The following STRBP variants were observed in gnomAD, a reference collection of about 807,000 sequenced individuals.
The protein encoded by STRBP is spermatid perinuclear RNA binding protein.
STRBP carries 13 observed loss-of-function variants against 80.1 expected under a neutral mutation model. The observed-to-expected ratio is 0.16, with a 90% CI of 0.11 to 0.26. STRBP has a LOEUF of 0.26. Ranked by LOEUF, STRBP falls within the 10% of genes least tolerant of loss-of-function variation. The pLI is 1.00. For missense variants in STRBP, 485 were observed against 815.2 expected (o/e 0.59, Z 4.93); for synonymous variants, 284 against 291.2 (o/e 0.98, Z 0.25).
chr9:123,156,667 G>T (rs2037298688), intron 11 of STRBP, among the ~76,000 whole-genome samples: 1 of 139,014 alleles, frequency 7.2e-6, no homozygotes, highest in Admixed American at 7.2e-5. Context: ...GAAAGAAAGA[G>T]AGAAAAAGGC....
At chr9:123,190,513 A>G (rs1336383569) in intron 2 of STRBP, among the ~76,000 whole-genome samples, 1 of 151,038 alleles carries the variant, frequency 6.6e-6, no homozygotes, top group Non-Finnish European at 1.5e-5. Context: ...TCAATTACTT[A>G]TCAATAGCTA....
chr9:123,152,390 A>G (rs1564241534), intron 11 of STRBP, among the ~76,000 whole-genome samples: 1 of 152,106 alleles, frequency 6.6e-6, no homozygotes, highest in Non-Finnish European at 1.5e-5. Context: ...AAAAACCTAA[A>G]TTTTATATAT....
chr9:123,127,780 C>T (rs2035955216), intron 18 of STRBP, among the ~76,000 whole-genome samples: 1 of 152,184 alleles, frequency 6.6e-6, no homozygotes, highest in Non-Finnish European at 1.5e-5. Context: ...ATGAAGGCTA[C>T]AAATTTGAAG....
At chr9:123,148,021 A>T in intron 11 of STRBP, 151 bp from the exon 12 acceptor site, 1 of 662,660 alleles carries the variant, frequency 1.5e-6, no homozygotes, top group Non-Finnish European at 2.3e-6. Context: ...ACCATTATTT[A>T]TAATCTAGAA....
At chr9:123,125,823 C>T (rs914834862) in intron 18 of STRBP, 150 bp from the exon 19 acceptor site, 8 of 512,302 alleles carry the variant, frequency 1.6e-5, no homozygotes, top group Non-Finnish European at 2.4e-5. Context: ...GCCCATAAAT[C>T]GCTCACAGAT....
chr9:123,235,584 CAAAAAAAAAAAAAAAAAAA>C lies in STRBP; in HGVS notation c.-165+1227_-165+1245del, dbSNP rs71390421. 1.8e-3 allele frequency among the ~76,000 whole-genome samples: 66 copies of C among 36,530 alleles called. 1 individual carries two copies. The highest frequency in any genetic ancestry group is 5.1e-3 in the African/African-American group (62 of 12,246). The allele number at this position is 36,530 out of a possible 152,430, so 24.0% of individuals were successfully genotyped here. A position where few individuals can be genotyped will look rare whatever the true frequency, so the allele number is the denominator to read the frequency against. On this transcript the variant is annotated intron_variant, in intron 2 of 18. Transcript: ENST00000348403. ...AATCTGGATGAAGAGACAAGTTCAG[CAAAAAAAAAAAAAAAAAAA>C]AAAAAAAAAAAAAGTTATCCCAGAG...
At position 123,197,210 on chromosome 9, in the gene STRBP, T is replaced by C. The variant is rs189082082; in HGVS notation, c.-164-12912A>G. Among the ~76,000 whole-genome samples, 198 of 151,928 alleles carry C rather than the reference T, an allele frequency of 1.3e-3. 1 individual carries two copies. The highest frequency in any genetic ancestry group is 4.7e-3 in the African/African-American group (193 of 41,408). On this transcript the variant is annotated intron_variant, in intron 2 of 18. Transcript: ENST00000348403. The stretch of plus-strand genomic sequence containing the variant: ...AATTAAACAATTAAACTCAAAGAAA[T>C]AGAGAGCAGAATGATGGTTATCAGA...
At chr9:123,202,753 C>A (rs2039372666) in intron 2 of STRBP, among the ~76,000 whole-genome samples, 1 of 152,134 alleles carries the variant, frequency 6.6e-6, no homozygotes. Context: ...ATAGATGCCC[C>A]ATTTACCCTA....
rs1362895250 is a variant in STRBP, at chr9:123,163,273, AAC to A, written c.536-2207_536-2206del. Among the ~76,000 whole-genome samples, 4 of 152,332 alleles carry A rather than the reference AAC, an allele frequency of 2.6e-5. No homozygotes were observed. In the East Asian group the frequency reaches 7.7e-4, roughly 29 times the overall value. On this transcript the variant is annotated intron_variant, in intron 6 of 18. Transcript: ENST00000348403. The stretch of plus-strand genomic sequence containing the variant: ...GTAATTAGCATCTTACTCTGATTGT[AAC>A]ACAGATATTTTTAATGGGAGACAAT...
At chr9:123,137,895 C>A (rs978566190) in intron 14 of STRBP, among the ~76,000 whole-genome samples, 1 of 152,058 alleles carries the variant, frequency 6.6e-6, no homozygotes, top group Non-Finnish European at 1.5e-5. Context: ...TTATAATCTG[C>A]ATTTTTTGAA....
intron 2 of STRBP, among the ~76,000 whole-genome samples, chr9:123,200,504 A>C (rs1322049840): frequency 6.6e-6 from 1 of 151,330 alleles, no homozygotes; most frequent in African/African-American, 2.4e-5. Flanking sequence ...AAGTCTCTGA[A>C]TGTCTGGTAG....
chr9:123,259,579 C>A (rs998643754), intron 1 of STRBP, among the ~76,000 whole-genome samples: 14 of 152,110 alleles, frequency 9.2e-5, no homozygotes, highest in African/African-American at 3.4e-4. Flanking sequence ...CGTGGTGGCG[C>A]ATGCCTGTAA....
chr9:123,198,644 G>T (rs1036662113), intron 2 of STRBP, among the ~76,000 whole-genome samples: 1 of 151,916 alleles, frequency 6.6e-6, no homozygotes, highest in East Asian at 1.9e-4. Flanking sequence ...ATGTGCTTTC[G>T]GGGTCTTAGC....
Position 123,123,050 on chromosome 9 carries a change from C to T in STRBP, c.*2547G>A. 1 of 985,446 alleles carries T rather than the reference C, an allele frequency of 1.0e-6. No homozygotes were observed. Among genetic ancestry groups the T allele is most frequent in the Non-Finnish European group, 1.2e-6 (1 of 829,932 alleles). The allele number at this position is 985,446 out of a possible 1,614,324, so 61.0% of individuals were successfully genotyped here. ...GGAGTGTCTGAAAGCTGGATAGCCT[C>T]AGGGTGTCACATTGCTCTTAAGACC... On this transcript the variant is annotated 3_prime_UTR_variant, in exon 19 of 19. Coordinates refer to ENST00000348403, the MANE Select transcript of STRBP (RefSeq NM_018387.5).
chr9:123,205,747 T>G (rs1161933168), intron 2 of STRBP, among the ~76,000 whole-genome samples: 3 of 152,250 alleles, frequency 2.0e-5, no homozygotes, highest in Non-Finnish European at 4.4e-5. Context: ...CTCTTGCTAC[T>G]ATTCATTCTT....
intron 2 of STRBP, among the ~76,000 whole-genome samples, chr9:123,186,828 A>ATT (rs1275650081): frequency 0.05 from 5,442 of 108,894 alleles, 147 homozygotes; most frequent in Admixed American, 0.12. Flanking sequence ...CTTTTTTTAA[A>ATT]AAAAAAAAAA....
chr9:123,238,465 C>T (rs2040618079), intron 1 of STRBP, among the ~76,000 whole-genome samples: 1 of 152,196 alleles, frequency 6.6e-6, no homozygotes, highest in Non-Finnish European at 1.5e-5. Context: ...ATCCAACTTT[C>T]AGTAACCAAG....
intron 1 of STRBP, among the ~76,000 whole-genome samples, chr9:123,267,580 G>A (rs2041297798): frequency 1.3e-5 from 2 of 151,688 alleles, no homozygotes; most frequent in South Asian, 4.2e-4. Flanking sequence ...GAGCCCCTGG[G>A]CCTACCCTTC....
Position 123,219,099 on chromosome 9 carries a change from G to A in STRBP, c.-165+17731C>T, listed in dbSNP as rs547039892. ...CTGTAAATAATCACTGTATCACCCCGTCCCTAAACCATTCTACAAGGGCTC... is the reference window on the plus strand; with the variant it reads ...CTGTAAATAATCACTGTATCACCCCATCCCTAAACCATTCTACAAGGGCTC... On this transcript the variant is annotated intron_variant, in intron 2 of 18. Coordinates refer to ENST00000348403, the MANE Select transcript of STRBP (RefSeq NM_018387.5). Among the ~76,000 whole-genome samples, 21 of 71,796 alleles carry A rather than the reference G, an allele frequency of 2.9e-4. 1 individual carries two copies. In the East Asian group the frequency reaches 0.028, roughly 94 times the overall value. 47.1% of individuals were successfully genotyped at this position (71,796 alleles called of 152,430 possible).
Sources: allele counts gnomAD v4.1 joint callset (sites outside exome capture counted in the v4.1 genomes callset), GRCh38; gene constraint gnomAD v4.1.1; transcripts MANE v1.5; gene names NCBI Gene and HGNC (gene_info 2026-07-23, HGNC 2026-07-21).